The following ICE2 variants were observed in gnomAD, a reference collection of about 807,000 sequenced individuals.
The protein encoded by ICE2 is interactor of little elongation complex ELL subunit 2, also known as little elongation complex subunit 2.
Under a neutral mutation model 105.4 loss-of-function variants are expected in ICE2, and 87 were observed. The ratio of observed to expected loss-of-function variants is 0.83; its 90% confidence interval spans 0.69 to 0.99. ICE2 has a LOEUF of 0.99. Ranked by LOEUF, ICE2 falls within the 50% of genes least tolerant of loss-of-function variation. The pLI is 0.00. For missense variants in ICE2, 1,323 were observed against 1,146.7 expected (o/e 1.15, Z -2.22); for synonymous variants, 399 against 392.0 (o/e 1.02, Z -0.21).
intron 5 of ICE2, among the ~76,000 whole-genome samples, chr15:60,461,052 C>T (rs920577888): frequency 1.3e-5 from 2 of 149,276 alleles, no homozygotes; most frequent in Admixed American, 6.7e-5. Flanking sequence ...AGTAGCATTC[C>T]ACCAGTTGTA....
At chr15:60,473,719 T>C (rs769143837) in intron 3 of ICE2, among the ~76,000 whole-genome samples, 29 of 147,990 alleles carry the variant, frequency 2.0e-4, no homozygotes, top group Middle Eastern at 3.6e-3. Flanking sequence ...TTTAAGAAAT[T>C]AGTTATCCTC....
intron 13 of ICE2, among the ~76,000 whole-genome samples, chr15:60,433,333 G>A (rs201717292): frequency 1.3e-5 from 2 of 151,724 alleles, no homozygotes; most frequent in Admixed American, 1.3e-4. Flanking sequence ...TGATCCACCC[G>A]CCTCAGCTTC....
Position 60,420,447 on chromosome 15 carries a change from A to T in ICE2, c.*3187T>A, listed in dbSNP as rs1211490275. Reference sequence around the variant, plus strand: ...TTCCCAGCTCCATCGCATTCTCTAGACTAATGCCAACAAGAGCCCTTTTCA... The same window carrying T: ...TTCCCAGCTCCATCGCATTCTCTAGTCTAATGCCAACAAGAGCCCTTTTCA... On this transcript the variant is annotated 3_prime_UTR_variant, in exon 16 of 16. Coordinates refer to ENST00000261520, the MANE Select transcript of ICE2 (RefSeq NM_024611.6). 6.6e-6 allele frequency: 1 copy of T among 152,166 alleles called. No homozygotes were observed. The highest frequency in any genetic ancestry group is 2.4e-5 in the African/African-American group (1 of 41,424). The allele number at this position is 152,166 out of a possible 1,614,324, so 9.4% of individuals were successfully genotyped here.
chr15:60,475,158 T>C (rs1258299156), intron 3 of ICE2, among the ~76,000 whole-genome samples: 1 of 152,204 alleles, frequency 6.6e-6, no homozygotes, highest in Non-Finnish European at 1.5e-5. Flanking sequence ...TAATTCCTCA[T>C]TTGGTGTATT....
chr15:60,477,983 T>C lies in ICE2; in HGVS notation c.-6A>G, dbSNP rs1595834728. On this transcript the variant is annotated 5_prime_UTR_variant, in exon 2 of 16. Coordinates refer to ENST00000261520, the MANE Select transcript of ICE2 (RefSeq NM_024611.6). The stretch of plus-strand genomic sequence containing the variant: ...ATGACCATCTTGGAGCTCATCTTCC[T>C]AGATTTCTGCTTCACTCTAGCTCAC... 1 of 1,613,862 alleles carries C rather than the reference T, an allele frequency of 6.2e-7. No homozygotes were observed. Among genetic ancestry groups the C allele is most frequent in the African/African-American group, 1.3e-5 (1 of 75,044 alleles).
At chr15:60,437,547 G>A (rs528105371) in intron 12 of ICE2, among the ~76,000 whole-genome samples, 59 of 151,970 alleles carry the variant, frequency 3.9e-4, no homozygotes, top group Non-Finnish European at 7.7e-4. Context: ...TGGCGAGGCT[G>A]GTCTCGAACT....
At chr15:60,467,015 T>C (rs2064450331) in intron 4 of ICE2, among the ~76,000 whole-genome samples, 4 of 152,214 alleles carry the variant, frequency 2.6e-5, no homozygotes. Flanking sequence ...TGAGACAGAA[T>C]CTCGCTTTGT....
chr15:60,448,000 T>C lies in ICE2; in HGVS notation c.2265A>G (p.Pro755=). Residue 755 remains proline, a synonymous_variant, in exon 11 of 16, where the codon CCA becomes CCG. Coordinates refer to ENST00000261520, the MANE Select transcript of ICE2 (RefSeq NM_024611.6). ...TGATTTTCTTCCGTTTTTTAGAACGTGGTCTTGTCTCTATCCTCTGGACAC... is the reference window on the plus strand; with the variant it reads ...TGATTTTCTTCCGTTTTTTAGAACGCGGTCTTGTCTCTATCCTCTGGACAC... ...RCSVQRIETR[P]RSKKRKKIRR... is the part of the protein sequence containing the mutation. The C allele has an allele frequency of 6.2e-7, 1 of 1,609,710 alleles. No individual in the cohort carries two copies. The highest frequency in any genetic ancestry group is 8.5e-7 in the Non-Finnish European group (1 of 1,178,804).
chr15:60,471,795 A>C (rs2054036), intron 3 of ICE2, among the ~76,000 whole-genome samples: 99,900 of 150,866 alleles, frequency 0.66, 34,343 homozygotes, highest in East Asian at 0.93. Context: ...AAAACAAAAA[A>C]CAAAAAACAA....
At chr15:60,444,199 A>C (rs765403022) in intron 11 of ICE2, among the ~76,000 whole-genome samples, 18 of 152,304 alleles carry the variant, frequency 1.2e-4, no homozygotes, top group Middle Eastern at 3.4e-3. Context: ...ACATTTCTGG[A>C]TTAGAAATGG....
At chr15:60,432,947 T>A (rs1044474027) in intron 13 of ICE2, among the ~76,000 whole-genome samples, 10 of 152,144 alleles carry the variant, frequency 6.6e-5, no homozygotes, top group African/African-American at 2.4e-4. Context: ...AGGTCTTTAG[T>A]AAAGCTAATA....
rs115317839 is a variant in ICE2, at chr15:60,467,420, C to A, written c.408+641G>T. Among the ~76,000 whole-genome samples the A allele has an allele frequency of 4.3e-3, 655 of 152,286 alleles. 6 individuals carry two copies. Among genetic ancestry groups the A allele is most frequent in the African/African-American group, 0.015 (604 of 41,560 alleles). On this transcript the variant is annotated intron_variant, in intron 4 of 15. Transcript: ENST00000261520. The stretch of plus-strand genomic sequence containing the variant: ...ATTAAATTAATGTAAAGCAAGAGAT[C>A]ATTTTTCCCATTTTAAATTAAAGGC...
At chr15:60,429,085 T>C (rs1226367715) in intron 14 of ICE2, among the ~76,000 whole-genome samples, 1 of 152,170 alleles carries the variant, frequency 6.6e-6, no homozygotes, top group Admixed American at 6.5e-5. Context: ...AATAGATAGA[T>C]GACTAGATAC....
chr15:60,442,335 T>G (rs968134738), intron 12 of ICE2, 81 bp downstream of exon 12: 2 of 1,281,028 alleles, frequency 1.6e-6, no homozygotes. Flanking sequence ...AAGGGCAGAA[T>G]AGAAGTATTC....
chr15:60,431,486 A>C (rs774850607), intron 14 of ICE2, among the ~76,000 whole-genome samples: 4 of 152,168 alleles, frequency 2.6e-5, no homozygotes, highest in African/African-American at 4.8e-5. Flanking sequence ...AGAATGGAGG[A>C]AAGAGCCACA....
chr15:60,436,249 A>C, intron 12 of ICE2, 22 bp from the exon 13 acceptor site: 1 of 997,612 alleles, frequency 1.0e-6, no homozygotes, highest in Non-Finnish European at 1.4e-6. Context: ...TATCAAACTT[A>C]GAAAGAAGAA....
At chr15:60,472,805 T>G (rs181927706) in intron 3 of ICE2, among the ~76,000 whole-genome samples, 1 of 152,206 alleles carries the variant, frequency 6.6e-6, no homozygotes, top group African/African-American at 2.4e-5. Context: ...CTGGGCAACA[T>G]GGCAAGACAC....
chr15:60,441,022 A>C (rs1176478575), intron 12 of ICE2: 1 of 148,074 alleles, frequency 6.8e-6, no homozygotes, highest in African/African-American at 2.5e-5. Flanking sequence ...TGAAACCTTA[A>C]TTTTTTTTTT....
At chr15:60,434,568 A>ACAG (rs1417232701) in intron 13 of ICE2, among the ~76,000 whole-genome samples, 7 of 135,590 alleles carry the variant, frequency 5.2e-5, no homozygotes, top group Admixed American at 2.9e-4. Flanking sequence ...CACACACACA[A>ACAG]TGGAATATAT....
Sources: allele counts gnomAD v4.1 joint callset (sites outside exome capture counted in the v4.1 genomes callset), GRCh38; gene constraint gnomAD v4.1.1; transcripts MANE v1.5; gene names NCBI Gene and HGNC (gene_info 2026-07-23, HGNC 2026-07-21).